The following TSPAN9 variants were observed in gnomAD, a reference collection of about 807,000 sequenced individuals.
TSPAN9 encodes the protein tetraspanin-9.
Under a neutral mutation model 31.0 loss-of-function variants are expected in TSPAN9, and 16 were observed. The ratio of observed to expected loss-of-function variants is 0.52; its 90% confidence interval spans 0.35 to 0.78. The LOEUF is 0.78. TSPAN9 is among the 30% of genes least tolerant of loss of function. TSPAN9 has a pLI of 0.01. For missense variants in TSPAN9, 272 were observed against 312.5 expected (o/e 0.87, Z 0.98); for synonymous variants, 145 against 121.6 (o/e 1.19, Z -1.27).
intron 3 of TSPAN9, among the ~76,000 whole-genome samples, chr12:3,253,257 T>C (rs928048188): frequency 6.6e-6 from 1 of 152,162 alleles, no homozygotes; most frequent in Non-Finnish European, 1.5e-5. Flanking sequence ...ATAGGAAAAA[T>C]GCAGTAAAGA....
chr12:3,194,624 C>T (rs2098366199), intron 2 of TSPAN9, among the ~76,000 whole-genome samples: 1 of 152,132 alleles, frequency 6.6e-6, no homozygotes, highest in Admixed American at 6.5e-5. Flanking sequence ...TGGGCTCAAG[C>T]GATTCACCTG....
At chr12:3,184,518 A>G (rs930033978) in intron 2 of TSPAN9, among the ~76,000 whole-genome samples, 2 of 152,178 alleles carry the variant, frequency 1.3e-5, no homozygotes, top group East Asian at 1.9e-4. Flanking sequence ...TAGTGAATCT[A>G]TTTCTTTAAG....
intron 3 of TSPAN9, chr12:3,273,111 C>G (rs1224290532): frequency 6.6e-6 from 1 of 152,242 alleles, no homozygotes; most frequent in South Asian, 2.1e-4. Flanking sequence ...TTTCCCTCCT[C>G]CGGAGTCAGG....
chr12:3,152,670 C>T (rs887872700), intron 2 of TSPAN9, among the ~76,000 whole-genome samples: 2 of 152,014 alleles, frequency 1.3e-5, no homozygotes, highest in African/African-American at 4.8e-5. Flanking sequence ...ACTGCAACCT[C>T]CGCCTCCCAG....
intron 2 of TSPAN9, among the ~76,000 whole-genome samples, chr12:3,165,301 C>T (rs1476359980): frequency 6.6e-6 from 1 of 152,212 alleles, no homozygotes; most frequent in Non-Finnish European, 1.5e-5. Flanking sequence ...ACTGCTCATC[C>T]TCTCTGTTGG....
At chr12:3,238,526 A>T (rs10774133) in intron 3 of TSPAN9, among the ~76,000 whole-genome samples, 3 of 152,214 alleles carry the variant, frequency 2.0e-5, no homozygotes, top group African/African-American at 7.2e-5. Context: ...CAAACCCTAC[A>T]TGGTCCTGTT....
At chr12:3,128,017 G>A (rs1163896805) in intron 2 of TSPAN9, among the ~76,000 whole-genome samples, 1 of 152,158 alleles carries the variant, frequency 6.6e-6, no homozygotes, top group Non-Finnish European at 1.5e-5. Context: ...GTTGGATTAC[G>A]ACACCTATGA....
intron 2 of TSPAN9, among the ~76,000 whole-genome samples, chr12:3,167,788 C>T (rs1198610287): frequency 6.6e-6 from 1 of 152,102 alleles, no homozygotes; most frequent in East Asian, 1.9e-4. Context: ...GTGCAGGGGC[C>T]AGGGCTGACT....
At chr12:3,189,356 C>T (rs572314961) in intron 2 of TSPAN9, among the ~76,000 whole-genome samples, 1 of 152,104 alleles carries the variant, frequency 6.6e-6, no homozygotes, top group Non-Finnish European at 1.5e-5. Context: ...GTAGAAGGGC[C>T]CCAGTGACAA....
chr12:3,163,115 G>A (rs1433079656), intron 2 of TSPAN9, among the ~76,000 whole-genome samples: 2 of 152,208 alleles, frequency 1.3e-5, no homozygotes, highest in African/African-American at 4.8e-5. Context: ...GCAGCTCTCT[G>A]TGGAGTCCCC....
At chr12:3,151,767 AAAAAC>A (rs1320775680) in intron 2 of TSPAN9, among the ~76,000 whole-genome samples, 3 of 151,980 alleles carry the variant, frequency 2.0e-5, no homozygotes, top group African/African-American at 7.3e-5. Flanking sequence ...TTCCTTTCTT[AAAAAC>A]AAAACAAAAC....
intron 2 of TSPAN9, among the ~76,000 whole-genome samples, chr12:3,184,417 AAGAGAAAGAGAGAG>A (rs1025644797): frequency 1.3e-5 from 2 of 151,428 alleles, no homozygotes; most frequent in Non-Finnish European, 2.9e-5. Flanking sequence ...AAAAGAAAGA[AAGAGAAAGAGAGAG>A]AGAGAAAGAA....
At chr12:3,109,061 G>C (rs537053782) in intron 2 of TSPAN9, among the ~76,000 whole-genome samples, 3 of 151,730 alleles carry the variant, frequency 2.0e-5, no homozygotes, top group Non-Finnish European at 2.9e-5. Context: ...TCAGCCTCCC[G>C]AGTAGCTGGG....
chr12:3,268,762 C>T (rs1862598939), intron 3 of TSPAN9, among the ~76,000 whole-genome samples: 3 of 101,166 alleles, frequency 3.0e-5, no homozygotes, highest in African/African-American at 3.4e-5. Context: ...CCGTGCGTTT[C>T]TGCAGCCTGC....
chr12:3,232,413 T>C (rs1169053896), intron 3 of TSPAN9, among the ~76,000 whole-genome samples: 3 of 152,078 alleles, frequency 2.0e-5, no homozygotes, highest in Non-Finnish European at 4.4e-5. Flanking sequence ...GCAAGAAGGA[T>C]TTGGGTGGGA....
intron 2 of TSPAN9, among the ~76,000 whole-genome samples, chr12:3,124,120 A>G (rs2098326318): frequency 6.6e-6 from 1 of 152,220 alleles, no homozygotes; most frequent in South Asian, 2.1e-4. Flanking sequence ...TCAAAACAGA[A>G]GTGAGAAATT....
intron 2 of TSPAN9, among the ~76,000 whole-genome samples, chr12:3,196,705 G>A (rs78183927): frequency 0.015 from 2,225 of 152,296 alleles, 63 homozygotes; most frequent in African/African-American, 0.05. Context: ...AGTGCCCTTT[G>A]ACAAGTGTGA....
chr12:3,227,522 G>A (rs545468636), intron 3 of TSPAN9, among the ~76,000 whole-genome samples: 4 of 152,294 alleles, frequency 2.6e-5, no homozygotes, highest in African/African-American at 7.2e-5. Context: ...TGCATTGCGT[G>A]CTTGGAGAGT....
At chr12:3,258,380 A>C (rs1318340186) in intron 3 of TSPAN9, among the ~76,000 whole-genome samples, 1 of 152,168 alleles carries the variant, frequency 6.6e-6, no homozygotes, top group Non-Finnish European at 1.5e-5. Flanking sequence ...TCTGGGGCCC[A>C]GAATCACCTT....
Sources: allele counts gnomAD v4.1 joint callset (sites outside exome capture counted in the v4.1 genomes callset), GRCh38; gene constraint gnomAD v4.1.1; transcripts MANE v1.5; gene names NCBI Gene and HGNC (gene_info 2026-07-23, HGNC 2026-07-21).